Variants in ZNF385B observed in about 807,000 individuals in gnomAD.
ZNF385B encodes zinc finger protein 385B.
A neutral mutation model predicts 39.2 loss-of-function variants in ZNF385B; 23 were observed. The observed-to-expected ratio is 0.59, with a 90% CI of 0.42 to 0.83. ZNF385B has a LOEUF of 0.83. Ranked by LOEUF, ZNF385B falls within the 40% of genes least tolerant of loss-of-function variation. The probability of loss-of-function intolerance (pLI) is 0.00; values close to 1 mark genes in which losing one functional copy is unlikely to be tolerated. For synonymous variants in ZNF385B, 205 were observed against 222.6 expected (o/e 0.92, Z 0.70); for missense variants, 552 against 598.9 (o/e 0.92, Z 0.82).
intron 3 of ZNF385B, among the ~76,000 whole-genome samples, chr2:179,594,733 A>G (rs1302762331): frequency 1.3e-5 from 2 of 152,112 alleles, no homozygotes; most frequent in Admixed American, 6.5e-5. Flanking sequence ...CTCTCCTCTC[A>G]GGACAACAAT....
intron 3 of ZNF385B, among the ~76,000 whole-genome samples, chr2:179,741,002 G>T (rs1465273140): frequency 6.6e-6 from 1 of 152,156 alleles, no homozygotes; most frequent in African/African-American, 2.4e-5. Flanking sequence ...TTTGGTGGGA[G>T]TAACATTTAA....
At chr2:179,816,112 C>A (rs1234063995) in intron 1 of ZNF385B, among the ~76,000 whole-genome samples, 2 of 152,060 alleles carry the variant, frequency 1.3e-5, no homozygotes, top group African/African-American at 4.8e-5. Flanking sequence ...AGAAGCAACC[C>A]CCACCCCAAG....
intron 1 of ZNF385B, among the ~76,000 whole-genome samples, chr2:179,790,036 G>A (rs1705233344): frequency 6.6e-6 from 1 of 152,134 alleles, no homozygotes; most frequent in African/African-American, 2.4e-5. Context: ...GTAGTATTAT[G>A]TTCCATGACA....
chr2:179,591,126 C>CACACACACACAA lies in ZNF385B; in HGVS notation c.299-46158_299-46157insTTGTGTGTGTGT, dbSNP rs1282480397. 2.0e-5 allele frequency among the ~76,000 whole-genome samples: 3 copies of CACACACACACAA among 151,568 alleles called. No homozygotes were observed. The East Asian group carries it at 5.8e-4, about 29-fold the overall frequency. On this transcript the variant is annotated intron_variant, in intron 3 of 9. Transcript: ENST00000410066. ...ATTTACACACACACACACACACACA[C>CACACACACACAA]AATTCAAACCCCTAGAAAGTTTCTT...
At chr2:179,832,165 T>G (rs1012243975) in intron 1 of ZNF385B, among the ~76,000 whole-genome samples, 1 of 152,192 alleles carries the variant, frequency 6.6e-6, no homozygotes, top group Admixed American at 6.5e-5. Flanking sequence ...GGCCTTTTGC[T>G]ATATTTACAA....
intron 3 of ZNF385B, among the ~76,000 whole-genome samples, chr2:179,581,529 C>G (rs1006531089): frequency 3.3e-5 from 5 of 152,276 alleles, no homozygotes; most frequent in Non-Finnish European, 5.9e-5. Flanking sequence ...TTCTCCTTAC[C>G]TATTCCTTTC....
chr2:179,519,883 C>G (rs998877979), intron 4 of ZNF385B, among the ~76,000 whole-genome samples: 3 of 151,986 alleles, frequency 2.0e-5, no homozygotes, highest in African/African-American at 4.8e-5. Flanking sequence ...GCAAAATTAG[C>G]CATTAGAAGA....
At chr2:179,607,976 G>A (rs781052060) in intron 3 of ZNF385B, among the ~76,000 whole-genome samples, 6 of 141,064 alleles carry the variant, frequency 4.3e-5, no homozygotes, top group African/African-American at 1.1e-4. Flanking sequence ...GTGCAATGGC[G>A]CAATCCTGGC....
At chr2:179,488,842 T>C (rs2054901355) in intron 5 of ZNF385B, among the ~76,000 whole-genome samples, 1 of 152,144 alleles carries the variant, frequency 6.6e-6, no homozygotes, top group Non-Finnish European at 1.5e-5. Flanking sequence ...TAAAACAGGC[T>C]AAACTAACAA....
At chr2:179,464,126 T>C (rs1220217786) in intron 6 of ZNF385B, among the ~76,000 whole-genome samples, 1 of 152,242 alleles carries the variant, frequency 6.6e-6, no homozygotes, top group Non-Finnish European at 1.5e-5. Context: ...TTTTCATATA[T>C]TTGTTAGCTG....
chr2:179,602,982 TC>T (rs1236859544), intron 3 of ZNF385B, among the ~76,000 whole-genome samples: 1 of 152,236 alleles, frequency 6.6e-6, no homozygotes, highest in Admixed American at 6.5e-5. Context: ...CCTCTAAAGA[TC>T]AATATAATTC....
chr2:179,493,782 C>CATATGTGTAT (rs1559338426), intron 5 of ZNF385B, among the ~76,000 whole-genome samples: 1 of 89,526 alleles, frequency 1.1e-5, no homozygotes, highest in Non-Finnish European at 2.5e-5. Flanking sequence ...TATGTATATA[C>CATATGTGTAT]ACATATGTAT....
At chr2:179,533,888 G>T (rs13425301) in intron 4 of ZNF385B, among the ~76,000 whole-genome samples, 34,230 of 152,094 alleles carry the variant, frequency 0.23, 4,328 homozygotes, top group South Asian at 0.35. Context: ...GTATCATAGG[G>T]ACACAGCTCT....
At chr2:179,758,098 T>C (rs539968254) in intron 3 of ZNF385B, among the ~76,000 whole-genome samples, 2 of 152,276 alleles carry the variant, frequency 1.3e-5, no homozygotes, top group Admixed American at 6.5e-5. Context: ...TTGGCCATCT[T>C]GCTAGTTTAA....
At chr2:179,813,169 T>C (rs1706843256) in intron 1 of ZNF385B, among the ~76,000 whole-genome samples, 1 of 152,228 alleles carries the variant, frequency 6.6e-6, no homozygotes, top group African/African-American at 2.4e-5. Flanking sequence ...CATGCTCTTA[T>C]GCCTTTTGGG....
chr2:179,493,801 GTATA>G (rs1210595545), intron 5 of ZNF385B, among the ~76,000 whole-genome samples: 4 of 139,706 alleles, frequency 2.9e-5, no homozygotes, highest in South Asian at 2.2e-4. Flanking sequence ...ATACATATAT[GTATA>G]TATACATATA....
chr2:179,553,630 C>T (rs2060717567), intron 3 of ZNF385B, among the ~76,000 whole-genome samples: 1 of 149,014 alleles, frequency 6.7e-6, no homozygotes, highest in Non-Finnish European at 1.5e-5. Context: ...GTCCAAACTC[C>T]TGTCCATCTG....
At chr2:179,553,851 T>C (rs1464394629) in intron 3 of ZNF385B, among the ~76,000 whole-genome samples, 1 of 149,082 alleles carries the variant, frequency 6.7e-6, no homozygotes, top group Non-Finnish European at 1.5e-5. Flanking sequence ...TTTTTTAGCA[T>C]AGAATCAAGC....
chr2:179,851,752 T>G (rs954069169), intron 1 of ZNF385B, among the ~76,000 whole-genome samples: 1 of 152,210 alleles, frequency 6.6e-6, no homozygotes, highest in Non-Finnish European at 1.5e-5. Context: ...TTCTATGGCT[T>G]GCAACTGTAA....
Sources: allele counts gnomAD v4.1 joint callset (sites outside exome capture counted in the v4.1 genomes callset), GRCh38; gene constraint gnomAD v4.1.1; transcripts MANE v1.5; gene names NCBI Gene and HGNC (gene_info 2026-07-23, HGNC 2026-07-21).